ST6GALNAC3: variants seen among roughly 807,000 people sequenced by gnomAD.
ST6GALNAC3 encodes the protein ST6 N-acetylgalactosaminide alpha-2,6-sialyltransferase 3.
In ST6GALNAC3, 25 loss-of-function variants were observed where a neutral mutation model predicts 32.7. That is an observed-to-expected ratio of 0.76 (90% CI 0.56 to 1.07). The LOEUF (loss-of-function observed/expected upper bound fraction) is 1.07. ST6GALNAC3 is among the 50% of genes least tolerant of loss of function. The pLI is 0.00. For synonymous variants in ST6GALNAC3, 129 were observed against 133.1 expected (o/e 0.97, Z 0.21); for missense variants, 355 against 382.4 (o/e 0.93, Z 0.60).
intron 3 of ST6GALNAC3, among the ~76,000 whole-genome samples, chr1:76,456,232 T>C (rs1225598031): frequency 6.6e-6 from 1 of 152,200 alleles, no homozygotes; most frequent in East Asian, 1.9e-4. Flanking sequence ...CACAGTACAA[T>C]TCAGCTATAT....
intron 2 of ST6GALNAC3, among the ~76,000 whole-genome samples, chr1:76,342,171 C>G (rs937769543): frequency 6.6e-6 from 1 of 152,092 alleles, no homozygotes; most frequent in South Asian, 2.1e-4. Context: ...AATAAACATA[C>G]GTGTGTATGT....
chr1:76,098,193 G>T (rs563270705), intron 1 of ST6GALNAC3, among the ~76,000 whole-genome samples: 1 of 152,196 alleles, frequency 6.6e-6, no homozygotes, highest in Admixed American at 6.5e-5. Flanking sequence ...CTATGGACGG[G>T]AAGAATTTGT....
At chr1:76,541,126 G>T (rs1394026630) in intron 3 of ST6GALNAC3, among the ~76,000 whole-genome samples, 4 of 152,146 alleles carry the variant, frequency 2.6e-5, no homozygotes, top group Admixed American at 1.3e-4. Flanking sequence ...GCAGTAAAGA[G>T]ATCAGCATTC....
chr1:76,270,856 T>C (rs947653950), intron 1 of ST6GALNAC3, among the ~76,000 whole-genome samples: 6 of 152,048 alleles, frequency 3.9e-5, no homozygotes, highest in African/African-American at 1.4e-4. Flanking sequence ...GCAGCTCAGG[T>C]TTTGGGGGCA....
At chr1:76,277,104 T>C (rs1659173672) in intron 1 of ST6GALNAC3, among the ~76,000 whole-genome samples, 1 of 152,190 alleles carries the variant, frequency 6.6e-6, no homozygotes, top group African/African-American at 2.4e-5. Context: ...ATTTGCAATG[T>C]ACATTTTCAC....
At chr1:76,627,344 G>A in intron 3 of ST6GALNAC3, 108 bp from the exon 4 acceptor site, 1 of 714,548 alleles carries the variant, frequency 1.4e-6, no homozygotes, top group South Asian at 1.7e-5. Context: ...CTGATAACAA[G>A]TGCTATGTTT....
intron 2 of ST6GALNAC3, among the ~76,000 whole-genome samples, chr1:76,349,078 C>T (rs1648756419): frequency 6.6e-6 from 1 of 152,116 alleles, no homozygotes; most frequent in Admixed American, 6.5e-5. Context: ...TCATATTCTC[C>T]AGAGCCTTAA....
At chr1:76,490,556 C>A (rs545928542) in intron 3 of ST6GALNAC3, among the ~76,000 whole-genome samples, 2 of 150,754 alleles carry the variant, frequency 1.3e-5, no homozygotes, top group Non-Finnish European at 3.0e-5. Flanking sequence ...ACACAACTTG[C>A]GGAATGCAAT....
At chr1:76,372,040 T>C (rs1650865059) in intron 2 of ST6GALNAC3, among the ~76,000 whole-genome samples, 1 of 152,152 alleles carries the variant, frequency 6.6e-6, no homozygotes, top group African/African-American at 2.4e-5. Flanking sequence ...AGCTGTGTAA[T>C]AACAGATAGT....
chr1:76,384,452 C>T (rs1475969254), intron 2 of ST6GALNAC3, among the ~76,000 whole-genome samples: 1 of 152,070 alleles, frequency 6.6e-6, no homozygotes, highest in Non-Finnish European at 1.5e-5. Context: ...GGTTTTAATA[C>T]CCTTTTCCTT....
intron 1 of ST6GALNAC3, among the ~76,000 whole-genome samples, chr1:76,130,809 G>T (rs1219088383): frequency 1.3e-5 from 2 of 152,208 alleles, no homozygotes; most frequent in African/African-American, 4.8e-5. Context: ...CAGCTTGTGT[G>T]TCCAGAATCG....
In ST6GALNAC3 at chr1:76,634,075, C is replaced by A; in HGVS notation, c.*5269C>A. 1 of 750,396 alleles carries A rather than the reference C, an allele frequency of 1.3e-6. No individual in the cohort carries two copies. Among genetic ancestry groups the A allele is most frequent in the Non-Finnish European group, 1.6e-6 (1 of 617,780 alleles). The allele number at this position is 750,396 out of a possible 1,614,324, so 46.5% of individuals were successfully genotyped here. A position where few individuals can be genotyped will look rare whatever the true frequency, so the allele number is the denominator to read the frequency against. On this transcript the variant is annotated 3_prime_UTR_variant, in exon 5 of 5. Coordinates refer to ENST00000328299, the MANE Select transcript of ST6GALNAC3 (RefSeq NM_152996.4). ...TTTTCAGTTAACTACTTGTTTGTTT[C>A]TTTTCAGAATAGGCACTTTTTTTTG...
intron 1 of ST6GALNAC3, among the ~76,000 whole-genome samples, chr1:76,139,967 C>A (rs548558234): frequency 3.9e-5 from 6 of 152,298 alleles, no homozygotes; most frequent in Non-Finnish European, 7.4e-5. Flanking sequence ...AATCCTAATG[C>A]CAAAACGACA....
At chr1:76,219,623 TG>T (rs1463226262) in intron 1 of ST6GALNAC3, among the ~76,000 whole-genome samples, 1 of 152,170 alleles carries the variant, frequency 6.6e-6, no homozygotes, top group Non-Finnish European at 1.5e-5. Flanking sequence ...GGGCCCTAAA[TG>T]GTGAAAGGGT....
At chr1:76,405,697 A>G (rs1653779648) in intron 2 of ST6GALNAC3, among the ~76,000 whole-genome samples, 1 of 151,768 alleles carries the variant, frequency 6.6e-6, no homozygotes, top group Non-Finnish European at 1.5e-5. Context: ...GAGAAAAGTG[A>G]CCCTGAGTCA....
At chr1:76,523,629 A>G (rs1310713331) in intron 3 of ST6GALNAC3, among the ~76,000 whole-genome samples, 7 of 152,176 alleles carry the variant, frequency 4.6e-5, no homozygotes, top group African/African-American at 1.7e-4. Flanking sequence ...GTGGCTTGCA[A>G]TTAAGACACT....
At chr1:76,122,175 C>T (rs1260213609) in intron 1 of ST6GALNAC3, among the ~76,000 whole-genome samples, 1 of 152,280 alleles carries the variant, frequency 6.6e-6, no homozygotes, top group East Asian at 1.9e-4. Flanking sequence ...AGATAATTTG[C>T]ATTTTCTCAG....
chr1:76,336,184 G>C (rs934793290), intron 2 of ST6GALNAC3, among the ~76,000 whole-genome samples: 4 of 152,132 alleles, frequency 2.6e-5, no homozygotes, highest in East Asian at 1.9e-4. Context: ...GAGAACACAG[G>C]GGAGATTGCA....
intron 1 of ST6GALNAC3, among the ~76,000 whole-genome samples, chr1:76,181,487 A>G (rs1653175250): frequency 6.9e-6 from 1 of 144,924 alleles, no homozygotes; most frequent in Admixed American, 6.8e-5. Flanking sequence ...AATTAAATAT[A>G]ACTATGAATG....
Sources: allele counts gnomAD v4.1 joint callset (sites outside exome capture counted in the v4.1 genomes callset), GRCh38; gene constraint gnomAD v4.1.1; transcripts MANE v1.5; gene names NCBI Gene and HGNC (gene_info 2026-07-23, HGNC 2026-07-21).